The following MAP1B variants were observed in gnomAD, a reference collection of about 807,000 sequenced individuals.
The protein encoded by MAP1B is microtubule-associated protein 1B.
A neutral mutation model predicts 176.1 loss-of-function variants in MAP1B; 12 were observed. The ratio of observed to expected loss-of-function variants is 0.07; its 90% CI spans 0.04 to 0.11. The LOEUF (loss-of-function observed/expected upper bound fraction) is 0.11, where lower values mean the gene tolerates loss of function less well. MAP1B is among the 10% of genes least tolerant of loss of function. The pLI is 1.00. For synonymous variants in MAP1B, 1,044 were observed against 1,135.0 expected (o/e 0.92, Z 1.61); for missense variants, 2,523 against 2,990.5 (o/e 0.84, Z 3.65).
At chr5:72,152,399 G>A (rs1272690058) in intron 2 of MAP1B, among the ~76,000 whole-genome samples, 1 of 152,100 alleles carries the variant, frequency 6.6e-6, no homozygotes. Flanking sequence ...GTCTGTGAAG[G>A]AAAAACTGAA....
intron 2 of MAP1B, among the ~76,000 whole-genome samples, chr5:72,137,144 G>A (rs1187831923): frequency 3.3e-5 from 5 of 152,142 alleles, no homozygotes; most frequent in African/African-American, 1.2e-4. Flanking sequence ...TCATAAGGAT[G>A]GCTTATGACA....
chr5:72,180,789 T>G (rs556826217), intron 2 of MAP1B, among the ~76,000 whole-genome samples: 109 of 152,328 alleles, frequency 7.2e-4, no homozygotes, highest in African/African-American at 2.6e-3. Context: ...AATATTCTCT[T>G]AATATTTTCT....
In MAP1B at chr5:72,197,609, C is replaced by T; in HGVS notation, c.4254C>T (p.Asp1418=). 5 of 1,614,184 alleles carry T rather than the reference C, an allele frequency of 3.1e-6. No homozygotes were observed. Among genetic ancestry groups the T allele is most frequent in the Non-Finnish European group, 4.2e-6 (5 of 1,180,044 alleles). Residue 1418 remains aspartate (D), a synonymous_variant, in exon 5 of 7, where the codon GAC becomes GAT. Coordinates refer to ENST00000296755, the MANE Select transcript of MAP1B (RefSeq NM_005909.5). ...SAYESFLSAD[D]KASGRGAESP... is the part of the protein sequence containing the mutation. Reference sequence around the variant, plus strand: ...ATGAAAGTTTTCTAAGTGCTGATGACAAGGCTTCTGGCAGAGGTGCCGAAA... The same window carrying T: ...ATGAAAGTTTTCTAAGTGCTGATGATAAGGCTTCTGGCAGAGGTGCCGAAA...
In MAP1B at chr5:72,195,786, G is replaced by T; in HGVS notation, c.2431G>T (p.Ala811Ser). 6.2e-7 allele frequency: 1 copy of T among 1,614,176 alleles called. No homozygotes were observed. Among genetic ancestry groups the T allele is most frequent in the South Asian group, 1.1e-5 (1 of 91,080 alleles). ...AGCCACCACAGCAGCTGTCATGGCGGCAGCTGGAATAGCAGCCATTGGCCC... is the reference window on the plus strand; with the variant it reads ...AGCCACCACAGCAGCTGTCATGGCGTCAGCTGGAATAGCAGCCATTGGCCC... ...TGATTAAVMA[A>S]AGIAAIGPAK... The change falls in exon 5 of 7, where the codon GCA (alanine) becomes TCA (serine). Residue 811 changes from alanine to serine, a missense_variant. This residue lies in a region of MAP1B where 1,925 missense variants were observed against 2,126.0 expected (regional missense o/e 0.91). Coordinates refer to ENST00000296755, the MANE Select transcript of MAP1B (RefSeq NM_005909.5).
chr5:72,179,066 C>T (rs774737526), intron 2 of MAP1B, among the ~76,000 whole-genome samples: 2 of 152,114 alleles, frequency 1.3e-5, no homozygotes, highest in Admixed American at 1.3e-4. Context: ...CCTCCTGCTT[C>T]GAGGGTCCTT....
chr5:72,130,084 T>A (rs139326481), intron 2 of MAP1B, among the ~76,000 whole-genome samples: 4 of 151,400 alleles, frequency 2.6e-5, no homozygotes, highest in African/African-American at 9.7e-5. Context: ...AGCAAATTCA[T>A]CACAAATTTG....
At chr5:72,130,258 T>G (rs1376477251) in intron 2 of MAP1B, among the ~76,000 whole-genome samples, 1 of 152,100 alleles carries the variant, frequency 6.6e-6, no homozygotes, top group Non-Finnish European at 1.5e-5. Context: ...TTGTTTAATC[T>G]TTCCGAATTC....
At chr5:72,188,651 A>G (rs186056541) in intron 4 of MAP1B, among the ~76,000 whole-genome samples, 1 of 152,174 alleles carries the variant, frequency 6.6e-6, no homozygotes, top group East Asian at 1.9e-4. Flanking sequence ...CTGCTTAATC[A>G]TTTTTACTAG....
chr5:72,194,619 A>G lies in MAP1B; in HGVS notation c.1264A>G (p.Met422Val). 2 of 1,614,136 alleles carry G rather than the reference A, an allele frequency of 1.2e-6. No homozygotes were observed. Among genetic ancestry groups the G allele is most frequent in the Non-Finnish European group, 1.7e-6 (2 of 1,180,040 alleles). ...AAAAATGGGAGTAGGTAAACTTGAGATGTATGTGCTTAATCCAGTCAAGAG... is the reference window on the plus strand; with the variant it reads ...AAAAATGGGAGTAGGTAAACTTGAGGTGTATGTGCTTAATCCAGTCAAGAG... ...FQKMGVGKLE[M>V]YVLNPVKSSK... The change falls in exon 5 of 7, where the codon ATG becomes GTG. Residue 422 changes from methionine (M) to valine (V), a missense_variant. Physicochemically the swap from Met to Val is conservative, Grantham distance 21 (BLOSUM62 1). Coordinates refer to ENST00000296755, the MANE Select transcript of MAP1B (RefSeq NM_005909.5). The surrounding 1 kb of genome is among the most constrained non-coding windows in gnomAD (Gnocchi z 7.2).
chr5:72,119,857 A>T (rs796965503), intron 2 of MAP1B, among the ~76,000 whole-genome samples: 73 of 152,324 alleles, frequency 4.8e-4, no homozygotes, highest in African/African-American at 1.6e-3. Flanking sequence ...ATACTATCAT[A>T]AAATTTTTAT....
At position 72,196,462 on chromosome 5, in the gene MAP1B, C is replaced by T. The variant is rs145156470; in HGVS notation, c.3107C>T (p.Pro1036Leu). The T allele has an allele frequency of 5.8e-5, 94 of 1,613,460 alleles. No individual in the cohort carries two copies. The highest frequency in any genetic ancestry group is 3.3e-4 in the Middle Eastern group (2 of 6,078). ...GATGCCAGAGAGGAGGAATATGAGCCGGAAAAAATGGAAGCTGAAGACTAT... is the reference window on the plus strand; with the variant it reads ...GATGCCAGAGAGGAGGAATATGAGCTGGAAAAAATGGAAGCTGAAGACTAT... The part of the protein sequence containing the change: ...AEDAREEEYE[P>L]EKMEAEDYVM... The change falls in exon 5 of 7, where the codon CCG (proline) becomes CTG (leucine). Residue 1036 changes from proline (P) to leucine (L), a missense_variant. Transcript: ENST00000296755. This position sits in a 1 kb window ranked among gnomAD's most constrained non-coding sequence, Gnocchi z 5.3.
intron 2 of MAP1B, among the ~76,000 whole-genome samples, chr5:72,130,700 G>A (rs1210243688): frequency 6.6e-6 from 1 of 152,136 alleles, no homozygotes; most frequent in Non-Finnish European, 1.5e-5. Context: ...GAATGGAACC[G>A]GGGGCAGAAA....
chr5:72,115,172 G>A lies in MAP1B; in HGVS notation c.185-526G>A, dbSNP rs116083837. Among the ~76,000 whole-genome samples the A allele has an allele frequency of 8.9e-3, 1,352 of 152,160 alleles. 23 individuals carry two copies. The highest frequency in any genetic ancestry group is 0.03 in the African/African-American group (1,259 of 41,512). On this transcript the variant is annotated intron_variant, in intron 1 of 6. Coordinates refer to ENST00000296755, the MANE Select transcript of MAP1B (RefSeq NM_005909.5). The stretch of plus-strand genomic sequence containing the variant: ...GGCTCGATAAACCAAAGTCAAAAAC[G>A]GGATTGGTAAAGGAAAGAAATTACA...
intron 3 of MAP1B, among the ~76,000 whole-genome samples, chr5:72,185,225 C>T (rs747810886): frequency 3.3e-5 from 5 of 152,176 alleles, no homozygotes; most frequent in Admixed American, 6.5e-5. Flanking sequence ...GAGTTGCTTC[C>T]ACTTTTTGGC....
At position 72,194,989 on chromosome 5, in the gene MAP1B, T is replaced by C. The variant is rs766631293; in HGVS notation, c.1634T>C (p.Leu545Pro). 1 of 1,613,990 alleles carries C rather than the reference T, an allele frequency of 6.2e-7. No individual in the cohort carries two copies. Among genetic ancestry groups the C allele is most frequent in the Non-Finnish European group, 8.5e-7 (1 of 1,179,992 alleles). Reference sequence around the variant, plus strand: ...CAGAGGGCTGATAGCCGAGAAAGTCTGAAGCCAGCCGCAAAACCACTTCCT... The same window carrying C: ...CAGAGGGCTGATAGCCGAGAAAGTCCGAAGCCAGCCGCAAAACCACTTCCT... ...LKQRADSRES[L>P]KPAAKPLPSK... Residue 545 changes from leucine (L) to proline (P), a missense_variant, in exon 5 of 7, where the codon CTG becomes CCG. Leu to Pro is a moderately conservative substitution (Grantham distance 98). Transcript: ENST00000296755. This position sits in a 1 kb window ranked among gnomAD's most constrained non-coding sequence, Gnocchi z 7.2.
chr5:72,110,137 C>T (rs1470277788), intron 1 of MAP1B, among the ~76,000 whole-genome samples: 1 of 152,174 alleles, frequency 6.6e-6, no homozygotes, highest in Non-Finnish European at 1.5e-5. Flanking sequence ...ATGAGCAGCT[C>T]AACGAATTTT....
At chr5:72,142,203 G>A (rs557462843) in intron 2 of MAP1B, among the ~76,000 whole-genome samples, 1 of 152,308 alleles carries the variant, frequency 6.6e-6, no homozygotes, top group East Asian at 1.9e-4. Flanking sequence ...GTGGCTGGGA[G>A]TGGAAGGCGA....
chr5:72,126,742 A>T (rs1689651723), intron 2 of MAP1B, among the ~76,000 whole-genome samples: 1 of 152,196 alleles, frequency 6.6e-6, no homozygotes. Flanking sequence ...ATTTAGAAAA[A>T]ACTGCCTGTC....
chr5:72,156,422 C>T (rs1003991530), intron 2 of MAP1B, among the ~76,000 whole-genome samples: 2 of 152,114 alleles, frequency 1.3e-5, no homozygotes, highest in Non-Finnish European at 2.9e-5. Context: ...CCTCTTAAAA[C>T]GTAAACAAAA....
Sources: gnomAD v4.1 joint callset for allele counts (sites outside exome capture counted in the v4.1 genomes callset) on GRCh38, gnomAD v4.1.1 for gene constraint, gnomAD v4.1.1 regional missense constraint, Gnocchi (gnomAD v3.1) non-coding constraint, MANE v1.5 for transcripts, NCBI Gene and HGNC (gene_info 2026-07-23, HGNC 2026-07-21) for gene names.